SERGEF: variants seen among roughly 807,000 people sequenced by gnomAD.
The protein encoded by SERGEF is secretion regulating guanine nucleotide exchange factor.
SERGEF carries 51 observed loss-of-function variants against 50.0 expected under a neutral mutation model. The ratio of observed to expected loss-of-function variants is 1.02; its 90% CI spans 0.81 to 1.29. The LOEUF (loss-of-function observed/expected upper bound fraction) is 1.29, where lower values mean the gene tolerates loss of function less well. SERGEF is among the 50% of genes most tolerant of loss of function. The probability of loss-of-function intolerance (pLI) is 0.00; values close to 1 mark genes in which losing one functional copy is unlikely to be tolerated. For synonymous variants in SERGEF, 205 were observed against 212.4 expected (o/e 0.97, Z 0.30); for missense variants, 521 against 557.0 (o/e 0.94, Z 0.65).
intron 10 of SERGEF, among the ~76,000 whole-genome samples, chr11:17,837,198 G>A (rs1850416246): frequency 6.6e-6 from 1 of 152,086 alleles, no homozygotes; most frequent in African/African-American, 2.4e-5. Flanking sequence ...GCTGAAACTA[G>A]CTATTAATTT....
chr11:17,881,793 T>C (rs984676348), intron 9 of SERGEF, among the ~76,000 whole-genome samples: 1 of 152,178 alleles, frequency 6.6e-6, no homozygotes, highest in Non-Finnish European at 1.5e-5. Context: ...TGAGACAATT[T>C]ATCCCCTTAC....
At chr11:18,005,979 A>G (rs1181363025) in intron 3 of SERGEF, among the ~76,000 whole-genome samples, 1 of 152,206 alleles carries the variant, frequency 6.6e-6, no homozygotes, top group East Asian at 1.9e-4. Flanking sequence ...CCCCAAGCAC[A>G]CAGCTATCAT....
intron 9 of SERGEF, among the ~76,000 whole-genome samples, chr11:17,901,794 T>C (rs1851753294): frequency 2.0e-5 from 3 of 152,182 alleles, no homozygotes; most frequent in Admixed American, 2.0e-4. Context: ...ATGACAGCTG[T>C]TTTATGTGTG....
chr11:17,859,587 A>G (rs1367239833), intron 10 of SERGEF, among the ~76,000 whole-genome samples: 1 of 152,178 alleles, frequency 6.6e-6, no homozygotes, highest in Admixed American at 6.5e-5. Context: ...AGAAGGCTCA[A>G]TAAATACCAG....
chr11:17,969,924 T>C (rs941316222), intron 8 of SERGEF, among the ~76,000 whole-genome samples: 2 of 152,226 alleles, frequency 1.3e-5, no homozygotes, highest in East Asian at 1.9e-4. Context: ...AGAGAACTTC[T>C]TACCCAATCA....
intron 8 of SERGEF, among the ~76,000 whole-genome samples, chr11:17,986,775 C>A (rs1853608604): frequency 6.6e-6 from 1 of 152,234 alleles, no homozygotes. Context: ...AAATGCCTAC[C>A]TGTGAACACC....
At chr11:17,902,757 C>A (rs1175825140) in intron 9 of SERGEF, among the ~76,000 whole-genome samples, 1 of 152,174 alleles carries the variant, frequency 6.6e-6, no homozygotes, top group Non-Finnish European at 1.5e-5. Context: ...TGAGCGCCTG[C>A]AAGGATTAGC....
intron 9 of SERGEF, among the ~76,000 whole-genome samples, chr11:17,936,676 T>C (rs1565209538): frequency 6.6e-6 from 1 of 152,160 alleles, no homozygotes; most frequent in Non-Finnish European, 1.5e-5. Context: ...CCAACAGGCA[T>C]TTCACAGAGA....
intron 10 of SERGEF, among the ~76,000 whole-genome samples, chr11:17,864,789 T>A (rs1398985653): frequency 6.6e-6 from 1 of 152,140 alleles, no homozygotes; most frequent in Non-Finnish European, 1.5e-5. Flanking sequence ...CCAGGCACCA[T>A]CTCCTTCTGA....
chr11:17,917,920 A>C (rs1852079314), intron 9 of SERGEF, among the ~76,000 whole-genome samples: 2 of 152,218 alleles, frequency 1.3e-5, no homozygotes, highest in Non-Finnish European at 2.9e-5. Context: ...AATGAAACTA[A>C]ATTTACTGTT....
At chr11:17,789,614 G>A (rs185043921) in intron 10 of SERGEF, among the ~76,000 whole-genome samples, 65 of 152,206 alleles carry the variant, frequency 4.3e-4, no homozygotes, top group Middle Eastern at 3.4e-3. Flanking sequence ...ACATCTTCAT[G>A]ACAAAAGAAA....
intron 10 of SERGEF, among the ~76,000 whole-genome samples, chr11:17,791,948 T>C (rs1223846884): frequency 1.3e-5 from 2 of 152,244 alleles, no homozygotes; most frequent in East Asian, 3.8e-4. Flanking sequence ...TACTTTTTTT[T>C]CCTCAGTTTG....
At position 18,000,959 on chromosome 11, in the gene SERGEF, C is replaced by A. The variant is rs117123532; in HGVS notation, c.448-402G>T. The stretch of plus-strand genomic sequence containing the variant: ...ATAAATGAATGAGCATGACTGTGTG[C>A]CAGTAAGACTTTATTTACCAAGGGC... On this transcript the variant is annotated intron_variant, in intron 4 of 10. Transcript: ENST00000265965. Among the ~76,000 whole-genome samples the A allele has an allele frequency of 1.2e-3, 181 of 152,264 alleles. 4 individuals are homozygous for A. The East Asian group carries it at 0.023, about 19-fold the overall frequency.
intron 10 of SERGEF, among the ~76,000 whole-genome samples, chr11:17,794,542 G>A (rs188529896): frequency 2.0e-3 from 308 of 152,270 alleles, no homozygotes; most frequent in Non-Finnish European, 3.0e-3. Context: ...AATCTCAGGC[G>A]CCTTCACTAG....
chr11:17,941,529 T>C (rs1316616483), intron 9 of SERGEF, among the ~76,000 whole-genome samples: 1 of 152,242 alleles, frequency 6.6e-6, no homozygotes, highest in East Asian at 1.9e-4. Context: ...TTATCGTCTA[T>C]CCTTTGATGG....
chr11:17,847,098 C>T (rs1184308225), intron 10 of SERGEF, among the ~76,000 whole-genome samples: 6 of 152,348 alleles, frequency 3.9e-5, no homozygotes, highest in East Asian at 3.9e-4. Context: ...CAGGCAGCAC[C>T]GCTGCAGCCC....
At chr11:17,861,176 G>A (rs965032332) in intron 10 of SERGEF, among the ~76,000 whole-genome samples, 6 of 152,252 alleles carry the variant, frequency 3.9e-5, no homozygotes, top group Non-Finnish European at 5.9e-5. Flanking sequence ...CATATGGGAA[G>A]CAAGGCGAAA....
intron 9 of SERGEF, among the ~76,000 whole-genome samples, chr11:17,951,159 A>G (rs1245938582): frequency 6.6e-6 from 1 of 152,186 alleles, no homozygotes; most frequent in Non-Finnish European, 1.5e-5. Flanking sequence ...GATTAAGACA[A>G]AACAGCAGCT....
At chr11:17,860,553 C>T (rs1352363838) in intron 10 of SERGEF, among the ~76,000 whole-genome samples, 1 of 152,054 alleles carries the variant, frequency 6.6e-6, no homozygotes, top group Non-Finnish European at 1.5e-5. Flanking sequence ...GGAAATTGGA[C>T]AAAAGAGTGG....
Sources: allele counts gnomAD v4.1 joint callset (sites outside exome capture counted in the v4.1 genomes callset), GRCh38; gene constraint gnomAD v4.1.1; transcripts MANE v1.5; gene names NCBI Gene and HGNC (gene_info 2026-07-23, HGNC 2026-07-21).